ULK4: variants seen among roughly 807,000 people sequenced by gnomAD.
ULK4 encodes unc-51 like kinase 4.
ULK4 carries 133 observed loss-of-function variants against 160.6 expected under a neutral mutation model. That is an observed-to-expected ratio of 0.83 (90% confidence interval 0.72 to 0.96). The LOEUF (loss-of-function observed/expected upper bound fraction) is 0.96. ULK4 is among the 40% of genes least tolerant of loss of function. The probability of loss-of-function intolerance (pLI) is 0.00; values close to 1 mark genes in which losing one functional copy is unlikely to be tolerated. For missense variants in ULK4, 1,580 were observed against 1,499.5 expected, an observed-to-expected ratio of 1.05 and a Z score of -0.89; for synonymous variants, 534 against 539.8, an observed-to-expected ratio of 0.99 and a Z score of 0.15.
At chr3:41,260,742 T>G (rs923741027) in intron 35 of ULK4, among the ~76,000 whole-genome samples, 1 of 152,170 alleles carries the variant, frequency 6.6e-6, no homozygotes, top group African/African-American at 2.4e-5. Context: ...TCCCCTAGAT[T>G]TGACCCAGGT....
At chr3:41,745,982 TA>T (rs1021612132) in intron 22 of ULK4, among the ~76,000 whole-genome samples, 2 of 149,638 alleles carry the variant, frequency 1.3e-5, no homozygotes, top group Non-Finnish European at 3.0e-5. Context: ...AAATTGGAGA[TA>T]AAGAATAAGA....
intron 17 of ULK4, among the ~76,000 whole-genome samples, chr3:41,880,738 A>T (rs1559625866): frequency 6.6e-6 from 1 of 152,156 alleles, no homozygotes. Flanking sequence ...AGCCTGACCA[A>T]CATGATGAAA....
At chr3:41,712,330 A>C (rs2037128591) in intron 25 of ULK4, among the ~76,000 whole-genome samples, 3 of 152,150 alleles carry the variant, frequency 2.0e-5, no homozygotes, top group Admixed American at 2.0e-4. Flanking sequence ...CACAGAGATC[A>C]CACTAACCCT....
rs951802599 is a variant in ULK4 at position 41,446,309 on chromosome 3, T to C, written c.3492+9188A>G. ...TAAACTAGTTCAACCATTGTGGAAG[T>C]CAGTGTGGCGATTCCTCAGGGATCT... On this transcript the variant is annotated intron_variant, in intron 34 of 36. Coordinates refer to ENST00000301831, the MANE Select transcript of ULK4 (RefSeq NM_017886.4). 1.5e-4 allele frequency among the ~76,000 whole-genome samples: 23 copies of C among 152,230 alleles called. No homozygotes were observed. In the East Asian group the frequency reaches 2.7e-3, roughly 18 times the overall value.
chr3:41,643,141 T>G (rs1210627998), intron 30 of ULK4, among the ~76,000 whole-genome samples: 1 of 152,198 alleles, frequency 6.6e-6, no homozygotes. Flanking sequence ...TTTTGTAGGT[T>G]GCCTGTTCAC....
intron 32 of ULK4, among the ~76,000 whole-genome samples, chr3:41,521,627 T>C (rs1041277829): frequency 1.3e-5 from 2 of 152,230 alleles, no homozygotes; most frequent in African/African-American, 2.4e-5. Context: ...TAATCACTTA[T>C]CTTGGATTTC....
intron 31 of ULK4, among the ~76,000 whole-genome samples, chr3:41,582,199 T>C (rs2030414586): frequency 1.3e-5 from 2 of 152,120 alleles, no homozygotes; most frequent in African/African-American, 2.4e-5. Flanking sequence ...CCGCTTTCGT[T>C]TGGTCCTCTG....
intron 21 of ULK4, among the ~76,000 whole-genome samples, chr3:41,760,351 T>C (rs548870012): frequency 1.1e-4 from 16 of 152,300 alleles, no homozygotes; most frequent in African/African-American, 3.8e-4. Context: ...GAAAACAGTT[T>C]GGCAGTTTCA....
intron 34 of ULK4, among the ~76,000 whole-genome samples, chr3:41,398,545 C>G (rs772039236): frequency 1.7e-5 from 2 of 120,448 alleles, no homozygotes; most frequent in Non-Finnish European, 3.3e-5. Context: ...CATCATCATG[C>G]CCAGCTAATT....
chr3:41,543,933 T>C (rs1002078280), intron 32 of ULK4, among the ~76,000 whole-genome samples: 3 of 152,100 alleles, frequency 2.0e-5, no homozygotes, highest in Non-Finnish European at 4.4e-5. Flanking sequence ...TTCCACACTT[T>C]CCTTTAATTC....
At chr3:41,319,564 T>C (rs1471050841) in intron 35 of ULK4, among the ~76,000 whole-genome samples, 1 of 152,250 alleles carries the variant, frequency 6.6e-6, no homozygotes, top group African/African-American at 2.4e-5. Flanking sequence ...ACTAGACACA[T>C]CTTGGTACAT....
intron 27 of ULK4, among the ~76,000 whole-genome samples, chr3:41,683,687 C>T (rs985449701): frequency 6.6e-6 from 1 of 151,896 alleles, no homozygotes; most frequent in Non-Finnish European, 1.5e-5. Context: ...TGAAGACACC[C>T]GTGTGGCACT....
intron 27 of ULK4, among the ~76,000 whole-genome samples, chr3:41,685,133 T>A (rs2036056530): frequency 6.6e-6 from 1 of 152,242 alleles, no homozygotes; most frequent in Non-Finnish European, 1.5e-5. Flanking sequence ...CATGAACAAC[T>A]TCTGACTTCC....
intron 17 of ULK4, among the ~76,000 whole-genome samples, chr3:41,841,333 G>A (rs551687350): frequency 7.1e-4 from 101 of 141,842 alleles, no homozygotes; most frequent in Non-Finnish European, 1.2e-3. Flanking sequence ...GGTGAGGGGC[G>A]TCTCTGTCCG....
chr3:41,646,693 G>A (rs2034509645), intron 30 of ULK4, among the ~76,000 whole-genome samples: 2 of 152,152 alleles, frequency 1.3e-5, no homozygotes, highest in South Asian at 4.1e-4. Context: ...TTCTCAAGGA[G>A]TATCTTTGTG....
chr3:41,931,986 G>T lies in ULK4; in HGVS notation c.399C>A (p.Gly133=), dbSNP rs1255539802. Residue 133 remains glycine (G), a synonymous_variant, in exon 5 of 37, where the codon GGC becomes GGA. Coordinates refer to ENST00000301831, the MANE Select transcript of ULK4 (RefSeq NM_017886.4). ...AGCAAAAGTTGCTAAACTTCAGTGT[G>T]CCAGGCCCTTCCAAGAGTATCTATG... The part of the protein sequence containing the change: ...SPRKILLEGP[G]TLKFSNFCLA... 3 of 1,613,874 alleles carry T rather than the reference G, an allele frequency of 1.9e-6. No homozygotes were observed. Among genetic ancestry groups the T allele is most frequent in the Non-Finnish European group, 2.5e-6 (3 of 1,179,920 alleles).
intron 21 of ULK4, among the ~76,000 whole-genome samples, chr3:41,756,829 A>G (rs1294867825): frequency 6.6e-6 from 1 of 152,204 alleles, no homozygotes; most frequent in East Asian, 1.9e-4. Flanking sequence ...ATAAACACCA[A>G]ACAGCTCTAA....
At chr3:41,451,290 TA>T (rs1022584970) in intron 34 of ULK4, among the ~76,000 whole-genome samples, 1 of 151,762 alleles carries the variant, frequency 6.6e-6, no homozygotes, top group African/African-American at 2.4e-5. Context: ...AGGATGTCTA[TA>T]AAGAAGGTTC....
chr3:41,831,211 A>G (rs1165185514), intron 18 of ULK4, among the ~76,000 whole-genome samples: 2 of 151,818 alleles, frequency 1.3e-5, no homozygotes, highest in Non-Finnish European at 1.5e-5. Flanking sequence ...CAAGTTTTTT[A>G]GACGAGGTTT....
Sources: gnomAD v4.1 joint callset for allele counts (sites outside exome capture counted in the v4.1 genomes callset) on GRCh38, gnomAD v4.1.1 for gene constraint, MANE v1.5 for transcripts, NCBI Gene and HGNC (gene_info 2026-07-23, HGNC 2026-07-21) for gene names.